PDE1C: variants seen among roughly 807,000 people sequenced by gnomAD.
PDE1C encodes phosphodiesterase 1C.
PDE1C carries 62 observed loss-of-function variants against 93.1 expected under a neutral mutation model. The ratio of observed to expected loss-of-function variants is 0.67; its 90% CI spans 0.54 to 0.82. PDE1C has a LOEUF of 0.82. PDE1C is among the 40% of genes least tolerant of loss of function. The pLI, the probability that PDE1C is intolerant of heterozygous loss-of-function variation, is 0.00. For missense variants in PDE1C, 742 were observed against 884.6 expected, an observed-to-expected ratio of 0.84 and a Z score of 2.04; for synonymous variants, 325 against 310.1, an observed-to-expected ratio of 1.05 and a Z score of -0.50.
chr7:31,642,321 C>G, the PDE1C span: 10 of 1,120,936 alleles, frequency 8.9e-6, no homozygotes, highest in African/African-American at 1.6e-5. Flanking sequence ...GCCCTATCAA[C>G]CAGGCTGCCA....
At chr7:31,631,666 G>A in the PDE1C span, among the ~76,000 whole-genome samples, 1 of 152,104 alleles carries the variant, frequency 6.6e-6, no homozygotes, top group Non-Finnish European at 1.5e-5. Flanking sequence ...CTGGAGCAAC[G>A]GAAGGAAGGA....
rs143887519 is a variant in PDE1C at position 32,117,355 on chromosome 7, G to T, written c.308+52430C>A. 2.7e-4 allele frequency among the ~76,000 whole-genome samples: 41 copies of T among 152,316 alleles called. No homozygotes were observed. The East Asian group carries it at 7.5e-3, about 28-fold the overall frequency. ...ACCAGAACTGTATAGTTCATACGAT[G>T]ATTTCACATATGAGATTCCTTCTGG... On this transcript the variant is annotated intron_variant, in intron 3 of 18. Transcript: ENST00000396193.
At chr7:32,208,451 T>C (rs1562581559) in intron 2 of PDE1C, among the ~76,000 whole-genome samples, 1 of 152,128 alleles carries the variant, frequency 6.6e-6, no homozygotes, top group South Asian at 2.1e-4. Context: ...ACTAAGTCTT[T>C]TTGTAGTCAA....
chr7:31,685,469 C>T, the PDE1C span, among the ~76,000 whole-genome samples: 116,579 of 152,108 alleles, frequency 0.77, 44,770 homozygotes, highest in East Asian at 0.82. Context: ...AGATCTATTA[C>T]CTCAAAACAG....
At chr7:32,183,640 A>C (rs1392430157) in intron 2 of PDE1C, among the ~76,000 whole-genome samples, 1 of 152,226 alleles carries the variant, frequency 6.6e-6, no homozygotes, top group Non-Finnish European at 1.5e-5. Context: ...CACCTTATAC[A>C]AAAATTAATT....
chr7:32,414,868 G>T (rs959690572), intron 1 of PDE1C, among the ~76,000 whole-genome samples: 1 of 150,890 alleles, frequency 6.6e-6, no homozygotes, highest in East Asian at 1.9e-4. Flanking sequence ...CAATAAAATT[G>T]TTTTATGGAG....
At chr7:31,716,898 A>G in the PDE1C span, among the ~76,000 whole-genome samples, 1 of 152,242 alleles carries the variant, frequency 6.6e-6, no homozygotes, top group African/African-American at 2.4e-5. Flanking sequence ...GAGCCAGAGG[A>G]ACTTAATGAA....
chr7:31,676,413 T>C, the PDE1C span, among the ~76,000 whole-genome samples: 3 of 151,866 alleles, frequency 2.0e-5, no homozygotes, highest in African/African-American at 7.3e-5. Context: ...TTAAAAATAA[T>C]AATAGTTTTT....
chr7:32,303,607 C>A (rs1255266900), upstream of PDE1C, among the ~76,000 whole-genome samples: 1 of 151,974 alleles, frequency 6.6e-6, no homozygotes, highest in Non-Finnish European at 1.5e-5. Context: ...AAATTAGACC[C>A]AGGAATGGCA....
At chr7:31,625,842 A>G in the PDE1C span, among the ~76,000 whole-genome samples, 1 of 151,718 alleles carries the variant, frequency 6.6e-6, no homozygotes, top group Non-Finnish European at 1.5e-5. Context: ...TTTTTTCTTT[A>G]TAAAGCTATT....
At chr7:32,412,858 T>C (rs1785199443) in intron 1 of PDE1C, among the ~76,000 whole-genome samples, 1 of 152,188 alleles carries the variant, frequency 6.6e-6, no homozygotes, top group Admixed American at 6.5e-5. Flanking sequence ...TGCTGTATGA[T>C]TGATTCCATT....
At chr7:31,858,582 A>C (rs1310123043) in intron 7 of PDE1C, among the ~76,000 whole-genome samples, 1 of 152,186 alleles carries the variant, frequency 6.6e-6, no homozygotes, top group Admixed American at 6.5e-5. Flanking sequence ...AGTGAAGAAG[A>C]TGCATTCTCC....
intron 2 of PDE1C, among the ~76,000 whole-genome samples, chr7:31,977,502 C>A (rs1229847146): frequency 2.0e-5 from 3 of 152,264 alleles, no homozygotes; most frequent in Middle Eastern, 3.4e-3. Context: ...CATCTCAGCA[C>A]CTTTGAATTT....
chr7:32,142,622 G>A (rs1012259122), intron 3 of PDE1C, among the ~76,000 whole-genome samples: 2 of 152,130 alleles, frequency 1.3e-5, no homozygotes, highest in South Asian at 2.1e-4. Context: ...TCCCAGGCTA[G>A]CCTCTAAGAC....
intron 1 of PDE1C, among the ~76,000 whole-genome samples, chr7:32,321,481 T>C (rs1298613848): frequency 6.6e-6 from 1 of 152,224 alleles, no homozygotes; most frequent in Admixed American, 6.5e-5. Flanking sequence ...TGGGTGGCTG[T>C]GGGAGTGTTA....
At chr7:31,704,138 G>C in the PDE1C span, among the ~76,000 whole-genome samples, 1 of 152,184 alleles carries the variant, frequency 6.6e-6, no homozygotes, top group African/African-American at 2.4e-5. Context: ...GTGGACATTT[G>C]GGCAGTTTGG....
At chr7:32,019,485 A>C (rs994980647) in intron 2 of PDE1C, among the ~76,000 whole-genome samples, 1 of 152,188 alleles carries the variant, frequency 6.6e-6, no homozygotes, top group South Asian at 2.1e-4. Flanking sequence ...TTTAGTTTGA[A>C]AACAATGCAG....
intron 1 of PDE1C, among the ~76,000 whole-genome samples, chr7:32,253,548 G>C (rs1003901378): frequency 1.3e-5 from 2 of 152,178 alleles, no homozygotes; most frequent in Non-Finnish European, 2.9e-5. Flanking sequence ...CTCTTAAATG[G>C]ATGGATTTCC....
At chr7:31,867,519 C>T (rs777476641) in intron 6 of PDE1C, among the ~76,000 whole-genome samples, 4 of 152,088 alleles carry the variant, frequency 2.6e-5, no homozygotes, top group Non-Finnish European at 5.9e-5. Context: ...CAGCTGGCAC[C>T]CACCTATACA....
Sources: gnomAD v4.1 joint callset for allele counts (sites outside exome capture counted in the v4.1 genomes callset) on GRCh38, gnomAD v4.1.1 for gene constraint, MANE v1.5 for transcripts, NCBI Gene and HGNC (gene_info 2026-07-23, HGNC 2026-07-21) for gene names.